C6orf52: variants seen among roughly 807,000 people sequenced by gnomAD.
C6orf52 encodes putative uncharacterized protein C6orf52.
Under a neutral mutation model 16.6 loss-of-function variants are expected in C6orf52, and 16 were observed. The ratio of observed to expected loss-of-function variants is 0.96; its 90% confidence interval spans 0.65 to 1.46. The LOEUF (loss-of-function observed/expected upper bound fraction) is 1.46, where lower values mean the gene tolerates loss of function less well. Ranked by LOEUF, C6orf52 falls within the 40% of genes most tolerant of loss-of-function variation. C6orf52 has a pLI of 0.00. For missense variants in C6orf52, 166 were observed against 182.3 expected (o/e 0.91, Z 0.52); for synonymous variants, 53 against 61.4 (o/e 0.86, Z 0.64).
At chr6:10,679,800 G>A (rs941031719) in intron 4 of C6orf52, among the ~76,000 whole-genome samples, 2 of 152,144 alleles carry the variant, frequency 1.3e-5, no homozygotes, top group African/African-American at 4.8e-5. Flanking sequence ...TCAGATCTTA[G>A]AGGAAAAGCT....
chr6:10,694,593 CCCCT>C lies in C6orf52; in HGVS notation c.-115_-112del. 1.7e-5 allele frequency: 3 copies of C among 179,554 alleles called. No individual in the cohort carries two copies. Among genetic ancestry groups the C allele is most frequent in the South Asian group, 9.7e-5 (1 of 10,258 alleles). 11.1% of individuals were successfully genotyped at this position (179,554 alleles called of 1,614,324 possible). On this transcript the variant is annotated 5_prime_UTR_variant, in exon 1 of 5. Coordinates refer to ENST00000259983, the MANE Select transcript of C6orf52 (RefSeq NM_001145020.3). ...ACAATGCACGCTGCCGGCGCTACAG[CCCCT>C]AAGCAACCGGCCGGAAGTCGGCCCC...
chr6:10,689,968 A>T (rs1041021603), intron 1 of C6orf52, among the ~76,000 whole-genome samples: 4 of 152,090 alleles, frequency 2.6e-5, no homozygotes, highest in South Asian at 2.1e-4. Context: ...TTCCTGTAAA[A>T]TTTTTTTTCT....
At position 10,694,511 on chromosome 6, in the gene C6orf52, G is replaced by C. The variant is rs1432752259; in HGVS notation, c.-29C>G. 1 of 156,402 alleles carries C rather than the reference G, an allele frequency of 6.4e-6. No homozygotes were observed. Among genetic ancestry groups the C allele is most frequent in the African/African-American group, 2.4e-5 (1 of 41,438 alleles). 9.7% of individuals were successfully genotyped at this position (156,402 alleles called of 1,614,324 possible). On this transcript the variant is annotated 5_prime_UTR_variant, in exon 1 of 5. Transcript: ENST00000259983. The stretch of plus-strand genomic sequence containing the variant: ...CTCCTTACCCTATTAACGACAGAAA[G>C]CCTCGTTCCGCTGGTCCCTGAACAA...
chr6:10,684,162 G>A (rs924108649), intron 3 of C6orf52, among the ~76,000 whole-genome samples: 9 of 152,058 alleles, frequency 5.9e-5, no homozygotes, highest in African/African-American at 1.7e-4. Flanking sequence ...GGCTAAGACC[G>A]CAGGCATGGT....
intron 4 of C6orf52, among the ~76,000 whole-genome samples, chr6:10,675,203 A>G (rs1767774665): frequency 6.6e-6 from 1 of 152,138 alleles, no homozygotes; most frequent in African/African-American, 2.4e-5. Flanking sequence ...CAACTACCCT[A>G]GCCTCTAGTA....
At chr6:10,684,834 A>C in intron 3 of C6orf52, 1 of 1,288,068 alleles carries the variant, frequency 7.8e-7, no homozygotes, top group Non-Finnish European at 1.0e-6. Context: ...AAAGAGCGCC[A>C]CCACAGAGGC....
At chr6:10,676,454 G>A (rs1767889026) in intron 4 of C6orf52, among the ~76,000 whole-genome samples, 1 of 152,212 alleles carries the variant, frequency 6.6e-6, no homozygotes. Context: ...AAGCAAGCTA[G>A]AAGCTTGCAC....
At chr6:10,687,402 G>C in intron 2 of C6orf52, 78 bp downstream of exon 2, 1 of 1,121,324 alleles carries the variant, frequency 8.9e-7, no homozygotes, top group Non-Finnish European at 1.3e-6. Flanking sequence ...AAAAGCCATA[G>C]TTTGTAAGTT....
At chr6:10,688,992 A>G (rs1351159739) in intron 1 of C6orf52, among the ~76,000 whole-genome samples, 1 of 150,684 alleles carries the variant, frequency 6.6e-6, no homozygotes, top group Non-Finnish European at 1.5e-5. Flanking sequence ...TTGTATTTTT[A>G]GTAGAGACAG....
chr6:10,673,259 A>C (rs1256442788), intron 4 of C6orf52, among the ~76,000 whole-genome samples: 2 of 152,228 alleles, frequency 1.3e-5, no homozygotes, highest in African/African-American at 4.8e-5. Flanking sequence ...CTCTCCACTT[A>C]ACCTGTGGCC....
intron 3 of C6orf52, among the ~76,000 whole-genome samples, chr6:10,686,654 TA>T (rs1245061623): frequency 6.6e-6 from 1 of 152,218 alleles, no homozygotes; most frequent in African/African-American, 2.4e-5. Context: ...AAGACTTCAT[TA>T]GCTTTTTGTG....
intron 1 of C6orf52, among the ~76,000 whole-genome samples, chr6:10,692,570 A>G (rs1342428836): frequency 2.3e-4 from 35 of 152,052 alleles, no homozygotes; most frequent in Non-Finnish European, 1.2e-4. Flanking sequence ...CCTCCCGAGT[A>G]GCTGGGACTA....
At chr6:10,687,410 G>T in intron 2 of C6orf52, 70 bp downstream of exon 2, 1 of 1,165,212 alleles carries the variant, frequency 8.6e-7, no homozygotes, top group Non-Finnish European at 1.2e-6. Context: ...TAGTTTGTAA[G>T]TTACCAACAG....
At chr6:10,684,334 GAA>G (rs1240120812) in intron 3 of C6orf52, among the ~76,000 whole-genome samples, 1 of 152,094 alleles carries the variant, frequency 6.6e-6, no homozygotes, top group Non-Finnish European at 1.5e-5. Flanking sequence ...AAAAAGAAAA[GAA>G]AGAAATGGCA....
At chr6:10,676,170 A>G (rs1006896586) in intron 4 of C6orf52, among the ~76,000 whole-genome samples, 1 of 152,162 alleles carries the variant, frequency 6.6e-6, no homozygotes, top group Non-Finnish European at 1.5e-5. Context: ...TTATCCCTGT[A>G]ACCAAAAACC....
Position 10,694,614 on chromosome 6 carries a change from G to GTGTAGATC in C6orf52, c.-133_-132insGATCTACA. ...ACAGCCCCTAAGCAACCGGCCGGAA[G>GTGTAGATC]TCGGCCCCACCTCCTCCTGATGTCA... is the stretch of plus-strand genomic sequence containing the variant. On this transcript the variant is annotated 5_prime_UTR_variant, in exon 1 of 5. Coordinates refer to ENST00000259983, the MANE Select transcript of C6orf52 (RefSeq NM_001145020.3). 11 of 199,254 alleles carry GTGTAGATC rather than the reference G, an allele frequency of 5.5e-5. No homozygotes were observed. The highest frequency in any genetic ancestry group is 1.5e-4 in the South Asian group (2 of 13,722). The allele number at this position is 199,254 out of a possible 1,614,324, so 12.3% of individuals were successfully genotyped here.
intron 1 of C6orf52, among the ~76,000 whole-genome samples, chr6:10,692,079 TC>T (rs1769364834): frequency 2.0e-5 from 3 of 152,172 alleles, no homozygotes; most frequent in Admixed American, 1.3e-4. Flanking sequence ...AGTTGAGATG[TC>T]CCTGGGGTAA....
intron 1 of C6orf52, among the ~76,000 whole-genome samples, chr6:10,693,509 G>A (rs1769541378): frequency 6.6e-6 from 1 of 152,190 alleles, no homozygotes; most frequent in East Asian, 1.9e-4. Flanking sequence ...GAACACCAGA[G>A]AAGAAAAGTT....
chr6:10,694,345 C>A (rs921209504), intron 1 of C6orf52, 149 bp downstream of exon 1: 1 of 152,440 alleles, frequency 6.6e-6, no homozygotes, highest in Non-Finnish European at 1.5e-5. Flanking sequence ...CAGAGTTAGA[C>A]AAGCAGACAG....
Sources: gnomAD v4.1 joint callset for allele counts (sites outside exome capture counted in the v4.1 genomes callset) on GRCh38, gnomAD v4.1.1 for gene constraint, MANE v1.5 for transcripts, NCBI Gene and HGNC (gene_info 2026-07-23, HGNC 2026-07-21) for gene names.